The following SLC2A13 variants were observed in gnomAD, a reference collection of about 807,000 sequenced individuals.
SLC2A13 encodes the protein solute carrier family 2 member 13.
In SLC2A13, 32 loss-of-function variants were observed where a neutral mutation model predicts 64.4. That is an observed-to-expected ratio of 0.50 (90% CI 0.37 to 0.67). SLC2A13 has a LOEUF of 0.67. Among genes scored for constraint, SLC2A13 ranks in the 30% least tolerant of loss-of-function variants. The pLI, the probability that SLC2A13 is intolerant of heterozygous loss-of-function variation, is 0.00. For synonymous variants in SLC2A13, 338 were observed against 327.1 expected (o/e 1.03, Z -0.36); for missense variants, 743 against 829.2 (o/e 0.90, Z 1.28).
At chr12:39,831,220 A>C (rs1029174088) in intron 6 of SLC2A13, among the ~76,000 whole-genome samples, 1 of 152,194 alleles carries the variant, frequency 6.6e-6, no homozygotes, top group African/African-American at 2.4e-5. Flanking sequence ...ACTGGGTATG[A>C]GCTACCTGGA....
At chr12:39,888,378 C>A (rs1241650117) in intron 4 of SLC2A13, among the ~76,000 whole-genome samples, 2 of 152,170 alleles carry the variant, frequency 1.3e-5, no homozygotes, top group African/African-American at 2.4e-5. Flanking sequence ...GTGCATGGCA[C>A]CACACCCAGC....
chr12:39,853,801 G>T (rs1478547748), intron 6 of SLC2A13, among the ~76,000 whole-genome samples: 1 of 152,016 alleles, frequency 6.6e-6, no homozygotes, highest in Non-Finnish European at 1.5e-5. Context: ...CAGCAACCCA[G>T]AATTTCATTT....
At chr12:39,796,301 G>A (rs142053224) in intron 7 of SLC2A13, among the ~76,000 whole-genome samples, 127 of 151,736 alleles carry the variant, frequency 8.4e-4, no homozygotes, top group Middle Eastern at 3.4e-3. Flanking sequence ...GCAGAAATAC[G>A]GTACAATTCT....
chr12:40,078,040 G>A (rs1264592470), intron 1 of SLC2A13, among the ~76,000 whole-genome samples: 1 of 152,112 alleles, frequency 6.6e-6, no homozygotes, highest in African/African-American at 2.4e-5. Context: ...ATCAATTCTA[G>A]AAGCCTCTGG....
At chr12:40,040,324 T>C (rs989067548) in intron 2 of SLC2A13, among the ~76,000 whole-genome samples, 2 of 152,226 alleles carry the variant, frequency 1.3e-5, no homozygotes, top group African/African-American at 2.4e-5. Context: ...CTTAAACATA[T>C]TCTTCCCACC....
At chr12:39,938,127 C>T in intron 4 of SLC2A13, among the ~76,000 whole-genome samples, 1 of 152,088 alleles carries the variant, frequency 6.6e-6, no homozygotes, top group East Asian at 1.9e-4. Context: ...TTATAAACTG[C>T]AGTACACAGG....
At chr12:40,041,964 C>T (rs1034826782) in intron 2 of SLC2A13, among the ~76,000 whole-genome samples, 1 of 152,224 alleles carries the variant, frequency 6.6e-6, no homozygotes, top group Non-Finnish European at 1.5e-5. Context: ...GATCCTACCC[C>T]CTCCTGGTCT....
At chr12:39,772,673 T>A (rs1024369156) in intron 7 of SLC2A13, among the ~76,000 whole-genome samples, 16 of 152,268 alleles carry the variant, frequency 1.1e-4, no homozygotes, top group African/African-American at 3.8e-4. Context: ...GGAGGAATAC[T>A]TACAAATAAT....
At chr12:40,048,259 G>C in intron 1 of SLC2A13, 49 bp from the exon 2 acceptor site, 1 of 1,546,496 alleles carries the variant, frequency 6.5e-7, no homozygotes, top group Non-Finnish European at 8.7e-7. Context: ...CAAGATTTCT[G>C]TTGCAATAAA....
intron 7 of SLC2A13, among the ~76,000 whole-genome samples, chr12:39,795,853 G>T (rs1216224607): frequency 6.6e-6 from 1 of 152,050 alleles, no homozygotes; most frequent in Non-Finnish European, 1.5e-5. Flanking sequence ...ATGCATTGGG[G>T]CATTTTTTTC....
intron 6 of SLC2A13, among the ~76,000 whole-genome samples, chr12:39,835,501 A>C (rs951189838): frequency 1.3e-5 from 2 of 152,146 alleles, no homozygotes; most frequent in East Asian, 3.9e-4. Context: ...GCTTTATAAA[A>C]GGAATTGCGG....
chr12:39,830,875 T>A (rs574946550), intron 6 of SLC2A13, among the ~76,000 whole-genome samples: 1 of 152,324 alleles, frequency 6.6e-6, no homozygotes, highest in Non-Finnish European at 1.5e-5. Flanking sequence ...AAACAAAGGC[T>A]AACCATCCCC....
At chr12:39,993,309 A>C (rs1455075057) in intron 3 of SLC2A13, among the ~76,000 whole-genome samples, 1 of 152,222 alleles carries the variant, frequency 6.6e-6, no homozygotes, top group Non-Finnish European at 1.5e-5. Flanking sequence ...TTTTAATGCT[A>C]ATCTTTTATG....
At chr12:40,071,816 CTCT>C (rs1937971458) in intron 1 of SLC2A13, among the ~76,000 whole-genome samples, 1 of 152,086 alleles carries the variant, frequency 6.6e-6, no homozygotes, top group African/African-American at 2.4e-5. Context: ...TTTATGTGGT[CTCT>C]TTTTTTCTTA....
intron 3 of SLC2A13, among the ~76,000 whole-genome samples, chr12:39,972,950 C>T (rs1946691677): frequency 6.6e-6 from 1 of 152,042 alleles, no homozygotes; most frequent in African/African-American, 2.4e-5. Flanking sequence ...GCCTGTAATC[C>T]CAGCTACTCA....
intron 3 of SLC2A13, among the ~76,000 whole-genome samples, chr12:40,002,279 A>T (rs1947332572): frequency 6.6e-6 from 1 of 152,214 alleles, no homozygotes; most frequent in South Asian, 2.1e-4. Flanking sequence ...TCATTTTACA[A>T]ATGAAGAGAC....
chr12:39,932,039 C>G (rs1163182260), intron 4 of SLC2A13, among the ~76,000 whole-genome samples: 2 of 152,090 alleles, frequency 1.3e-5, no homozygotes, highest in Non-Finnish European at 2.9e-5. Flanking sequence ...ACTTGGCAAT[C>G]TAGTTTATTC....
chr12:40,010,026 C>T (rs28370654), intron 3 of SLC2A13, among the ~76,000 whole-genome samples: 17,847 of 152,132 alleles, frequency 0.12, 1,402 homozygotes, highest in Middle Eastern at 0.18. Flanking sequence ...AAGAATGTGA[C>T]GTGGTAAAAA....
intron 7 of SLC2A13, among the ~76,000 whole-genome samples, chr12:39,782,356 T>C (rs1416352761): frequency 6.6e-6 from 1 of 152,102 alleles, no homozygotes; most frequent in East Asian, 1.9e-4. Context: ...GCCGGTCTTT[T>C]CTATGCTATT....
Sources: allele counts gnomAD v4.1 joint callset (sites outside exome capture counted in the v4.1 genomes callset), GRCh38; gene constraint gnomAD v4.1.1; transcripts MANE v1.5; gene names NCBI Gene and HGNC (gene_info 2026-07-23, HGNC 2026-07-21).